The following DLGAP1 variants were observed in gnomAD, a reference collection of about 807,000 sequenced individuals.
DLGAP1 encodes DLG associated protein 1, also known as disks large-associated protein 1.
Under a neutral mutation model 90.8 loss-of-function variants are expected in DLGAP1, and 11 were observed. The observed-to-expected ratio is 0.12, with a 90% CI of 0.08 to 0.20. The LOEUF is 0.20. Among genes scored for constraint, DLGAP1 ranks in the 10% least tolerant of loss-of-function variants. DLGAP1 has a pLI of 1.00. For missense variants in DLGAP1, 1,050 were observed against 1,333.8 expected, an observed-to-expected ratio of 0.79 and a Z score of 3.31; for synonymous variants, 558 against 540.7, an observed-to-expected ratio of 1.03 and a Z score of -0.44.
intron 2 of DLGAP1, among the ~76,000 whole-genome samples, chr18:4,140,043 G>C (rs2076471090): frequency 6.6e-6 from 1 of 151,706 alleles, no homozygotes; most frequent in Non-Finnish European, 1.5e-5. Context: ...AATGGGTCTT[G>C]TCTTTTATCC....
chr18:4,276,095 G>C (rs12456351), intron 1 of DLGAP1, among the ~76,000 whole-genome samples: 15,398 of 129,032 alleles, frequency 0.12, 1,010 homozygotes, highest in East Asian at 0.22. Flanking sequence ...CTGAATGATA[G>C]TTTTGTCTAT....
chr18:3,667,101 CA>C (rs1400575410), intron 7 of DLGAP1, among the ~76,000 whole-genome samples: 4 of 147,066 alleles, frequency 2.7e-5, no homozygotes, highest in Non-Finnish European at 6.0e-5. Flanking sequence ...TTTTGGGAGT[CA>C]GGGTCTCACT....
At chr18:4,083,628 T>A (rs1249398535) in intron 2 of DLGAP1, among the ~76,000 whole-genome samples, 1 of 152,198 alleles carries the variant, frequency 6.6e-6, no homozygotes, top group Non-Finnish European at 1.5e-5. Flanking sequence ...TCCATTTCCT[T>A]GTTGCTGAAA....
chr18:4,186,237 C>T (rs2077293820), intron 1 of DLGAP1, among the ~76,000 whole-genome samples: 1 of 152,058 alleles, frequency 6.6e-6, no homozygotes, highest in Non-Finnish European at 1.5e-5. Context: ...TGTCTGTTTA[C>T]TCTTTTGACA....
chr18:4,088,429 TTGTGTGTG>T (rs35217865), intron 2 of DLGAP1, among the ~76,000 whole-genome samples: 20 of 148,346 alleles, frequency 1.3e-4, no homozygotes, highest in African/African-American at 2.1e-4. Flanking sequence ...TAATTTTCCT[TTGTGTGTG>T]TGTGTGTGTG....
At chr18:3,559,909 C>T (rs1405552689) in intron 9 of DLGAP1, among the ~76,000 whole-genome samples, 1 of 151,980 alleles carries the variant, frequency 6.6e-6, no homozygotes. Flanking sequence ...GCATGAGCCA[C>T]TGCTCCAGGC....
intron 10 of DLGAP1, among the ~76,000 whole-genome samples, chr18:3,523,566 G>A (rs73379222): frequency 0.02 from 2,968 of 151,670 alleles, 91 homozygotes; most frequent in African/African-American, 0.066. Flanking sequence ...GCAAAGGTCC[G>A]ACCAGGTGCG....
intron 7 of DLGAP1, among the ~76,000 whole-genome samples, chr18:3,668,884 T>C (rs1413374901): frequency 5.3e-5 from 8 of 151,696 alleles, no homozygotes; most frequent in Non-Finnish European, 7.4e-5. Context: ...ACTTGGGAGG[T>C]TGAGGTAGGA....
intron 1 of DLGAP1, among the ~76,000 whole-genome samples, chr18:4,299,705 A>C (rs1456988912): frequency 6.6e-6 from 1 of 151,916 alleles, no homozygotes; most frequent in Non-Finnish European, 1.5e-5. Context: ...ACACACAAAA[A>C]AAACAAACAA....
intron 3 of DLGAP1, among the ~76,000 whole-genome samples, chr18:3,965,765 T>C (rs1409271638): frequency 6.6e-6 from 1 of 151,824 alleles, no homozygotes; most frequent in African/African-American, 2.4e-5. Context: ...CTGGCTAACA[T>C]GGCGAAACCC....
chr18:4,268,823 A>C (rs2079189746), intron 1 of DLGAP1, among the ~76,000 whole-genome samples: 2 of 152,164 alleles, frequency 1.3e-5, no homozygotes, highest in Admixed American at 1.3e-4. Context: ...ACTAAAATCA[A>C]TGTATTTAAT....
intron 4 of DLGAP1, among the ~76,000 whole-genome samples, chr18:3,862,183 G>C (rs753535468): frequency 1.2e-4 from 18 of 152,190 alleles, no homozygotes; most frequent in Non-Finnish European, 1.8e-4. Flanking sequence ...GGGTAGACAG[G>C]AGTCTTTTGG....
chr18:4,413,940 A>C (rs1340394999), intron 1 of DLGAP1, among the ~76,000 whole-genome samples: 1 of 152,202 alleles, frequency 6.6e-6, no homozygotes, highest in Non-Finnish European at 1.5e-5. Context: ...ACAATTCAGA[A>C]ATAATTTCAC....
chr18:3,587,344 C>T (rs747272313), intron 7 of DLGAP1, among the ~76,000 whole-genome samples: 2 of 152,108 alleles, frequency 1.3e-5, no homozygotes, highest in African/African-American at 2.4e-5. Flanking sequence ...CATGAGCCAC[C>T]GCTCCCTGCA....
At chr18:3,804,397 G>C (rs2066471672) in intron 5 of DLGAP1, among the ~76,000 whole-genome samples, 1 of 152,218 alleles carries the variant, frequency 6.6e-6, no homozygotes, top group African/African-American at 2.4e-5. Context: ...CATAGAACTA[G>C]AAGGAACTGG....
intron 9 of DLGAP1, among the ~76,000 whole-genome samples, chr18:3,562,091 G>A (rs1419747868): frequency 1.3e-5 from 2 of 152,018 alleles, no homozygotes; most frequent in Admixed American, 1.3e-4. Context: ...GCAAGGCGTG[G>A]TGGCGGGCAC....
intron 7 of DLGAP1, among the ~76,000 whole-genome samples, chr18:3,680,687 G>A (rs2060481429): frequency 6.6e-6 from 1 of 151,488 alleles, no homozygotes. Flanking sequence ...TACTTGGGAG[G>A]CTGAGGCAGG....
rs2071482740 is a variant in DLGAP1, at chr18:3,892,125, A to G, written c.-72-11985T>C. ...CTTATCACCTCTAAAACACACACAC[A>G]CACACACACACACACACACACACAC... On this transcript the variant is annotated intron_variant, in intron 3 of 12. Coordinates refer to ENST00000315677, the MANE Select transcript of DLGAP1 (RefSeq NM_004746.4). The G allele has an allele frequency of 3.6e-5, 3 of 82,678 alleles. No homozygotes were observed. In the South Asian group the frequency reaches 1.1e-3, roughly 30 times the overall value. The allele number at this position is 82,678 out of a possible 1,614,324, so 5.1% of individuals were successfully genotyped here. A position where few individuals can be genotyped will look rare whatever the true frequency, so the allele number is the denominator to read the frequency against.
Position 4,391,712 on chromosome 18 carries a change from T to C in DLGAP1, c.-267+63294A>G, listed in dbSNP as rs190001999. ...GAAATACTGACTTTTATTTTGCCTCTTGGTCAGACAGATCTACACCCTTTG... is the reference window on the plus strand; with the variant it reads ...GAAATACTGACTTTTATTTTGCCTCCTGGTCAGACAGATCTACACCCTTTG... On this transcript the variant is annotated intron_variant, in intron 1 of 12. Transcript: ENST00000315677. 1.5e-3 allele frequency among the ~76,000 whole-genome samples: 161 copies of C among 107,826 alleles called. 2 individuals are homozygous for C. The highest frequency in any genetic ancestry group is 1.0e-4 in the Non-Finnish European group (5 of 48,530). The allele number at this position is 107,826 out of a possible 152,430, so 70.7% of individuals were successfully genotyped here. A position where few individuals can be genotyped will look rare whatever the true frequency, so the allele number is the denominator to read the frequency against.
Sources: allele counts gnomAD v4.1 joint callset (sites outside exome capture counted in the v4.1 genomes callset), GRCh38; gene constraint gnomAD v4.1.1; transcripts MANE v1.5; gene names NCBI Gene and HGNC (gene_info 2026-07-23, HGNC 2026-07-21).